The following TAFA5 variants were observed in gnomAD, a reference collection of about 807,000 sequenced individuals.
TAFA5 encodes chemokine-like protein TAFA-5.
A neutral mutation model predicts 15.3 loss-of-function variants in TAFA5; 6 were observed. The observed-to-expected ratio is 0.39, with a 90% CI of 0.21 to 0.77. TAFA5 has a LOEUF of 0.77. TAFA5 is among the 30% of genes least tolerant of loss of function. The pLI, the probability that TAFA5 is intolerant of heterozygous loss-of-function variation, is 0.41. For synonymous variants in TAFA5, 103 were observed against 80.7 expected (o/e 1.28, Z -1.48); for missense variants, 161 against 193.1 (o/e 0.83, Z 0.98).
chr22:48,541,376 G>A (rs557592141), intron 1 of TAFA5, among the ~76,000 whole-genome samples: 110 of 152,264 alleles, frequency 7.2e-4, no homozygotes, highest in African/African-American at 2.5e-3. Flanking sequence ...TTGGAGCATC[G>A]TGCAGGGACT....
intron 2 of TAFA5, among the ~76,000 whole-genome samples, chr22:48,678,991 G>T (rs1256499943): frequency 9.6e-6 from 1 of 104,688 alleles, no homozygotes; most frequent in South Asian, 3.2e-4. Flanking sequence ...TCCCTCTCCC[G>T]GCTCCCCGTC....
chr22:48,576,680 G>A, intron 1 of TAFA5: 12 of 1,184,186 alleles, frequency 1.0e-5, no homozygotes, highest in Non-Finnish European at 1.3e-5. Context: ...GCGCTCGGCT[G>A]AGGCTCGTGG....
At chr22:48,555,616 A>T (rs1470847411) in intron 1 of TAFA5, among the ~76,000 whole-genome samples, 1 of 152,186 alleles carries the variant, frequency 6.6e-6, no homozygotes, top group Non-Finnish European at 1.5e-5. Context: ...AGCTGCTGGA[A>T]GTGGCCTGGG....
intron 1 of TAFA5, among the ~76,000 whole-genome samples, chr22:48,587,832 G>C (rs1924417356): frequency 6.6e-6 from 1 of 152,254 alleles, no homozygotes; most frequent in Non-Finnish European, 1.5e-5. Context: ...CGGTTCGGAA[G>C]GCCTGGAGCT....
chr22:48,531,440 C>A (rs1921968475), intron 1 of TAFA5, among the ~76,000 whole-genome samples: 1 of 152,180 alleles, frequency 6.6e-6, no homozygotes, highest in South Asian at 2.1e-4. Flanking sequence ...GCTCCTGACA[C>A]CCGCCCCGGT....
rs893622707 is a variant in TAFA5, at chr22:48,560,114, C to A, written c.112+70410C>A. ...GCAGCATAGGATTTGGGGACCTCCA[C>A]GTGCCGTCCCATGGGAAAGCCGAGT... On this transcript the variant is annotated intron_variant, in intron 1 of 3. Coordinates refer to ENST00000402357, the MANE Select transcript of TAFA5 (RefSeq NM_001082967.3). The surrounding 1 kb of genome is among the most constrained non-coding windows in gnomAD (Gnocchi z 4.2). Among the ~76,000 whole-genome samples, 1 of 152,188 alleles carries A rather than the reference C, an allele frequency of 6.6e-6. No homozygotes were observed. Among genetic ancestry groups the A allele is most frequent in the South Asian group, 2.1e-4 (1 of 4,830 alleles).
chr22:48,609,369 G>A (rs1925315411), intron 1 of TAFA5, among the ~76,000 whole-genome samples: 3 of 152,186 alleles, frequency 2.0e-5, no homozygotes, highest in Admixed American at 6.5e-5. Flanking sequence ...GAGACCTGTG[G>A]CATCACTGTC....
intron 1 of TAFA5, among the ~76,000 whole-genome samples, chr22:48,606,449 A>ATTTGTC (rs1243892770): frequency 6.6e-6 from 1 of 152,194 alleles, no homozygotes; most frequent in Non-Finnish European, 1.5e-5. Flanking sequence ...TGCTGTAGGT[A>ATTTGTC]TTTGTCTGGA....
chr22:48,634,120 G>GCTCACTCGCTCACTCACTCA lies in TAFA5; in HGVS notation c.113-12470_113-12469insGCTCACTCACTCACTCACTC, dbSNP rs1555894536. 2.3e-3 allele frequency among the ~76,000 whole-genome samples: 354 copies of GCTCACTCGCTCACTCACTCA among 150,856 alleles called. 4 individuals are homozygous for GCTCACTCGCTCACTCACTCA. Among genetic ancestry groups the GCTCACTCGCTCACTCACTCA allele is most frequent in the African/African-American group, 8.2e-3 (337 of 41,050 alleles). ...CCCTTTCCTTGACGTTCACTCACTC[G>GCTCACTCGCTCACTCACTCA]CTCACTCACTCACTCACTCACTCAT... On this transcript the variant is annotated intron_variant, in intron 1 of 3. Coordinates refer to ENST00000402357, the MANE Select transcript of TAFA5 (RefSeq NM_001082967.3).
chr22:48,587,707 C>A (rs537345166), intron 1 of TAFA5, among the ~76,000 whole-genome samples: 1 of 152,334 alleles, frequency 6.6e-6, no homozygotes, highest in South Asian at 2.1e-4. Flanking sequence ...GGTGCGGGTT[C>A]CCCACTTCCC....
intron 3 of TAFA5, among the ~76,000 whole-genome samples, chr22:48,719,239 G>A: frequency 6.6e-6 from 1 of 152,180 alleles, no homozygotes; most frequent in East Asian, 1.9e-4. Context: ...CCAGGTGGAC[G>A]CAGAGCCGGC....
intron 1 of TAFA5, among the ~76,000 whole-genome samples, chr22:48,592,436 A>G (rs1488126251): frequency 1.3e-5 from 2 of 152,212 alleles, no homozygotes; most frequent in Admixed American, 6.5e-5. Context: ...GAGCCACTAC[A>G]GGCAGGGGCT....
rs925456674 is a variant in TAFA5, at chr22:48,750,089, C to T, written c.*242C>T. Reference sequence around the variant, plus strand: ...GGGGCGGCACCTGGCATCAGCAATACGCAGTCTGTGGGAGCCCGGCCGCGC... The same window carrying T: ...GGGGCGGCACCTGGCATCAGCAATATGCAGTCTGTGGGAGCCCGGCCGCGC... On this transcript the variant is annotated 3_prime_UTR_variant, in exon 4 of 4. Transcript: ENST00000402357. The T allele has an allele frequency of 5.2e-6, 3 of 575,178 alleles. No individual in the cohort carries two copies. The highest frequency in any genetic ancestry group is 4.6e-4 in the Middle Eastern group (1 of 2,166). The allele number at this position is 575,178 out of a possible 1,614,324, so 35.6% of individuals were successfully genotyped here.
chr22:48,596,286 A>G (rs921934989), intron 1 of TAFA5, among the ~76,000 whole-genome samples: 1 of 152,214 alleles, frequency 6.6e-6, no homozygotes, highest in Non-Finnish European at 1.5e-5. Context: ...TCTGTTGACC[A>G]CGCTGTGCCT....
At chr22:48,720,445 T>C (rs1440635888) in intron 3 of TAFA5, among the ~76,000 whole-genome samples, 3 of 152,044 alleles carry the variant, frequency 2.0e-5, no homozygotes, top group African/African-American at 7.2e-5. Context: ...TGGGCCTGCT[T>C]GGTTGGCCTC....
intron 1 of TAFA5, among the ~76,000 whole-genome samples, chr22:48,567,873 A>G (rs1426927036): frequency 1.3e-5 from 2 of 152,288 alleles, no homozygotes; most frequent in East Asian, 3.9e-4. Context: ...GGCTCAGCCC[A>G]TGCAAGGTGC....
At position 48,707,122 on chromosome 22, in the gene TAFA5, G is replaced by C. The variant is rs184416657; in HGVS notation, c.263-595G>C. On this transcript the variant is annotated intron_variant, in intron 2 of 3. Coordinates refer to ENST00000402357, the MANE Select transcript of TAFA5 (RefSeq NM_001082967.3). Reference sequence around the variant, plus strand: ...TAATCTTGGAGGCTTGACATGGCTGGTGCTGGGCCGGCCCCAGGGGTCAGC... The same window carrying C: ...TAATCTTGGAGGCTTGACATGGCTGCTGCTGGGCCGGCCCCAGGGGTCAGC... Among the ~76,000 whole-genome samples, 398 of 152,214 alleles carry C rather than the reference G, an allele frequency of 2.6e-3. 3 individuals are homozygous for C. Among genetic ancestry groups the C allele is most frequent in the African/African-American group, 8.9e-3 (372 of 41,568 alleles).
intron 2 of TAFA5, among the ~76,000 whole-genome samples, chr22:48,697,611 A>ATGG (rs1928756875): frequency 7.2e-6 from 1 of 139,600 alleles, no homozygotes; most frequent in Admixed American, 7.1e-5. Context: ...GGTGGTGGTG[A>ATGG]TGATGGTGAT....
intron 1 of TAFA5, among the ~76,000 whole-genome samples, chr22:48,500,120 A>G (rs560298034): frequency 6.6e-6 from 1 of 152,104 alleles, no homozygotes; most frequent in South Asian, 2.1e-4. Context: ...CCCGAAATTG[A>G]TGGTGCTCAT....
Sources: gnomAD v4.1 joint callset for allele counts (sites outside exome capture counted in the v4.1 genomes callset) on GRCh38, gnomAD v4.1.1 for gene constraint, Gnocchi (gnomAD v3.1) non-coding constraint, MANE v1.5 for transcripts, NCBI Gene and HGNC (gene_info 2026-07-23, HGNC 2026-07-21) for gene names.